Variants in FUBP1 observed in about 807,000 individuals in gnomAD.
FUBP1 encodes the protein far upstream element binding protein 1.
FUBP1 carries 16 observed loss-of-function variants against 94.9 expected under a neutral mutation model. That is an observed-to-expected ratio of 0.17 (90% confidence interval 0.11 to 0.26). FUBP1 has a LOEUF of 0.26. Among genes scored for constraint, FUBP1 ranks in the 10% least tolerant of loss-of-function variants. The pLI is 1.00. For synonymous variants in FUBP1, 279 were observed against 254.9 expected, an observed-to-expected ratio of 1.09 and a Z score of -0.90; for missense variants, 583 against 808.6, an observed-to-expected ratio of 0.72 and a Z score of 3.38.
Position 77,963,960 on chromosome 1 carries a change from GCAT to G in FUBP1, c.1041+99_1041+101del, listed in dbSNP as rs911532678. 7 of 780,824 alleles carry G rather than the reference GCAT, an allele frequency of 9.0e-6. No individual in the cohort carries two copies. In the African/African-American group the frequency reaches 1.2e-4, roughly 14 times the overall value. The allele number at this position is 780,824 out of a possible 1,614,324, so 48.4% of individuals were successfully genotyped here. The stretch of plus-strand genomic sequence containing the variant: ...AATTTAAACTTTCTCCATTAATAAA[GCAT>G]CATCAAGCAGACTCTGATATAGAGG... On this transcript the variant is annotated intron_variant, in intron 12 of 19. Coordinates refer to ENST00000370768, the MANE Select transcript of FUBP1 (RefSeq NM_003902.5).
chr1:77,958,799 G>C (rs972609420), intron 16 of FUBP1, among the ~76,000 whole-genome samples: 6 of 152,140 alleles, frequency 3.9e-5, no homozygotes, highest in African/African-American at 1.4e-4. Context: ...TACCCAATAT[G>C]AATCTGCCTT....
intron 1 of FUBP1, 31 bp downstream of exon 1, chr1:77,978,854 T>C (rs1009004418): frequency 1.2e-6 from 2 of 1,613,264 alleles, no homozygotes; most frequent in African/African-American, 2.7e-5. Flanking sequence ...ACCGTGAGCT[T>C]TCGGGATTCC....
At chr1:77,950,242 C>A (rs1320195833) in intron 18 of FUBP1, among the ~76,000 whole-genome samples, 2 of 152,172 alleles carry the variant, frequency 1.3e-5, no homozygotes, top group Non-Finnish European at 2.9e-5. Flanking sequence ...CTCACTGCAG[C>A]CTCAACCTCC....
rs1651920068 is a variant in FUBP1 at position 77,945,278 on chromosome 1, A to C, written c.*3488T>G. On this transcript the variant is annotated 3_prime_UTR_variant, in exon 20 of 20. Transcript: ENST00000370768. Reference sequence around the variant, plus strand: ...CTCTCAAGTTTCAATGAGCCCCTTTATATTATCAATTGTACATACCTATCA... The same window carrying C: ...CTCTCAAGTTTCAATGAGCCCCTTTCTATTATCAATTGTACATACCTATCA... 6.6e-6 allele frequency among the ~76,000 whole-genome samples: 1 copy of C among 152,016 alleles called. No individual in the cohort carries two copies.
Position 77,970,028 on chromosome 1 carries a change from AAG to A in FUBP1, c.121-15_121-14del. On this transcript the variant is annotated splice_polypyrimidine_tract_variant and intron_variant, in intron 1 of 19. Transcript: ENST00000370768. Reference sequence around the variant, plus strand: ...TTTTTGCTGCAATCTAAAAAAAAAAAAGAAAAATACCATCATAAACTATTATA... The same window carrying A: ...TTTTTGCTGCAATCTAAAAAAAAAAAAAAAATACCATCATAAACTATTATA... 2 of 1,424,940 alleles carry A rather than the reference AAG, an allele frequency of 1.4e-6. No homozygotes were observed. The highest frequency in any genetic ancestry group is 2.0e-6 in the Non-Finnish European group (2 of 1,021,868). 88.3% of individuals were successfully genotyped at this position (1,424,940 alleles called of 1,614,324 possible). A position where few individuals can be genotyped will look rare whatever the true frequency, so the allele number is the denominator to read the frequency against.
rs1656197912 is a variant in FUBP1, at chr1:77,964,963, C to A, written c.642G>T (p.Arg214=). The A allele has an allele frequency of 1.2e-6, 2 of 1,610,586 alleles. No individual in the cohort carries two copies. The highest frequency in any genetic ancestry group is 2.7e-5 in the African/African-American group (2 of 74,810). Residue 214 remains arginine (R), a synonymous_variant, in exon 9 of 20, where the codon CGG becomes CGT. Transcript: ENST00000370768. ...GGETIKQLQE[R]AGVKMVMIQD... ...GAATCATAACCATTTTAACTCCAGCCCGTTCCTGTTACAATCATAGAAATA... is the reference window on the plus strand; with the variant it reads ...GAATCATAACCATTTTAACTCCAGCACGTTCCTGTTACAATCATAGAAATA...
Position 77,944,799 on chromosome 1 carries a change from T to G in FUBP1, c.*3967A>C, listed in dbSNP as rs1651808403. Among the ~76,000 whole-genome samples the G allele has an allele frequency of 6.6e-6, 1 of 152,086 alleles. No homozygotes were observed. Among genetic ancestry groups the G allele is most frequent in the East Asian group, 1.9e-4 (1 of 5,182 alleles). On this transcript the variant is annotated 3_prime_UTR_variant, in exon 20 of 20. Transcript: ENST00000370768. ...GTTTAAAAGATATATTTTACAATGT[T>G]TATAAACAACTAGTATCAAATTACT...
rs1654519497 is a variant in FUBP1, at chr1:77,956,683, G to T, written c.1594C>A (p.Pro532Thr). ...TAAGCAGCCCAAGCTGCTGAATTTG[G>T]ATCCGTTCCTGCCTTAGCTAAAATA... The part of the protein sequence containing the change: ...PPDPAKAGTD[P>T]NSAAWAAYYA... The change falls in exon 17 of 20, where the codon CCA (proline) becomes ACA (threonine). Residue 532 changes from proline (P) to threonine (T), a missense_variant. Physicochemically the swap from Pro to Thr is conservative, Grantham distance 38 (BLOSUM62 -1). Transcript: ENST00000370768. 33 of 1,612,396 alleles carry T rather than the reference G, an allele frequency of 2.0e-5. No individual in the cohort carries two copies. Among genetic ancestry groups the T allele is most frequent in the Non-Finnish European group, 2.8e-5 (33 of 1,178,918 alleles).
At chr1:77,964,382 A>G in intron 10 of FUBP1, 26 bp from the exon 11 acceptor site, 1 of 1,378,054 alleles carries the variant, frequency 7.3e-7, no homozygotes, top group East Asian at 2.3e-5. Context: ...CTAAGTATTA[A>G]GAAAGCTAGC....
At position 77,968,179 on chromosome 1, in the gene FUBP1, G is replaced by T; in HGVS notation, c.236C>A (p.Ala79Asp). 6.5e-7 allele frequency: 1 copy of T among 1,538,266 alleles called. No homozygotes were observed. The highest frequency in any genetic ancestry group is 2.4e-5 in the Admixed American group (1 of 41,436). The change falls in exon 3 of 20, where the codon GCT (alanine) becomes GAT (aspartate). Residue 79 changes from alanine to aspartate, a missense_variant. Physicochemically the swap from Ala to Asp is moderately radical, Grantham distance 126. Transcript: ENST00000370768. ...GGAATACTTACAGTCATTTTGAGGAGCAACTTTCTTAGCATCTGGTTGATC... is the reference window on the plus strand; with the variant it reads ...GGAATACTTACAGTCATTTTGAGGATCAACTTTCTTAGCATCTGGTTGATC... ...DGDQPDAKKV[A>D]PQNDSFGTQL...
chr1:77,953,453 C>T (rs150735786), intron 18 of FUBP1, among the ~76,000 whole-genome samples: 7,377 of 152,060 alleles, frequency 0.049, 401 homozygotes, highest in African/African-American at 0.14. Context: ...ATTGCGCCAC[C>T]GCACTCCAGC....
intron 1 of FUBP1, among the ~76,000 whole-genome samples, chr1:77,978,653 G>C (rs1175905229): frequency 6.6e-6 from 1 of 152,190 alleles, no homozygotes; most frequent in Non-Finnish European, 1.5e-5. Flanking sequence ...AAAGACTTCA[G>C]GCCTTCTTTG....
intron 18 of FUBP1, among the ~76,000 whole-genome samples, chr1:77,953,447 CGCCACCGCA>C (rs1290832524): frequency 6.6e-6 from 1 of 152,012 alleles, no homozygotes; most frequent in Non-Finnish European, 1.5e-5. Flanking sequence ...GCTGAGATTG[CGCCACCGCA>C]CTCCAGCCTG....
chr1:77,950,012 T>C (rs1201765212), intron 18 of FUBP1, among the ~76,000 whole-genome samples: 1 of 152,226 alleles, frequency 6.6e-6, no homozygotes, highest in Non-Finnish European at 1.5e-5. Flanking sequence ...AAGGTGACTT[T>C]GCTGAATTAA....
chr1:77,973,541 T>TGGCTAC (rs1359807930), intron 1 of FUBP1, among the ~76,000 whole-genome samples: 1 of 152,244 alleles, frequency 6.6e-6, no homozygotes, highest in Non-Finnish European at 1.5e-5. Context: ...CCACCATGCC[T>TGGCTAC]GGCTACTTTA....
At chr1:77,949,797 A>C (rs985185133) in intron 18 of FUBP1, among the ~76,000 whole-genome samples, 1 of 152,206 alleles carries the variant, frequency 6.6e-6, no homozygotes, top group African/African-American at 2.4e-5. Context: ...TGATTTAAAG[A>C]CTGTATTAAG....
chr1:77,955,882 C>T (rs1258210598), intron 17 of FUBP1, among the ~76,000 whole-genome samples: 1 of 152,080 alleles, frequency 6.6e-6, no homozygotes, highest in Non-Finnish European at 1.5e-5. Flanking sequence ...GGAATAAGAG[C>T]TCCTTGAAGA....
intron 1 of FUBP1, among the ~76,000 whole-genome samples, chr1:77,978,283 T>A (rs1659099558): frequency 6.6e-6 from 1 of 152,172 alleles, no homozygotes; most frequent in Non-Finnish European, 1.5e-5. Context: ...TTGAAACCTC[T>A]GGTATAATGG....
At position 77,969,983 on chromosome 1, in the gene FUBP1, T is replaced by A. The variant is rs1657215890; in HGVS notation, c.153A>T (p.Thr51=). ...AACCATAGTCATTTGAATTCAGTGA[T>A]GTCCCTGCATCACCTCCAATTTTTG... ...IAAKIGGDAG[T]SLNSNDYGYG... is the part of the protein sequence containing the mutation. The change falls in exon 2 of 20, where the codon ACA becomes ACT. Residue 51 remains threonine, a synonymous_variant. Coordinates refer to ENST00000370768, the MANE Select transcript of FUBP1 (RefSeq NM_003902.5). The A allele has an allele frequency of 6.3e-7, 1 of 1,594,050 alleles. No homozygotes were observed. The highest frequency in any genetic ancestry group is 1.3e-5 in the African/African-American group (1 of 74,146).
Sources: allele counts gnomAD v4.1 joint callset (sites outside exome capture counted in the v4.1 genomes callset), GRCh38; gene constraint gnomAD v4.1.1; transcripts MANE v1.5; gene names NCBI Gene and HGNC (gene_info 2026-07-23, HGNC 2026-07-21).